SEPTIN14: variants seen among roughly 807,000 people sequenced by gnomAD.
The protein encoded by SEPTIN14 is septin 14, also known as septin-14.
A neutral mutation model predicts 53.6 loss-of-function variants in SEPTIN14; 40 were observed. That is an observed-to-expected ratio of 0.75 (90% CI 0.58 to 0.97). SEPTIN14 has a LOEUF of 0.97. SEPTIN14 is among the 50% of genes least tolerant of loss of function. The probability of loss-of-function intolerance (pLI) is 0.00; values close to 1 mark genes in which losing one functional copy is unlikely to be tolerated. For synonymous variants in SEPTIN14, 138 were observed against 166.8 expected (o/e 0.83, Z 1.33); for missense variants, 471 against 508.2 (o/e 0.93, Z 0.70).
rs1386153736 is a variant in SEPTIN14, at chr7:55,830,105, G to A, written c.720+4320C>T. On this transcript the variant is annotated intron_variant, in intron 6 of 9. Transcript: ENST00000388975. The stretch of plus-strand genomic sequence containing the variant: ...AGGCAGGAGAATGGCGTGAACCCGG[G>A]AGGCGGAGCTTGCAGTGAGCAGAGA... Among the ~76,000 whole-genome samples, 5 of 148,952 alleles carry A rather than the reference G, an allele frequency of 3.4e-5. No homozygotes were observed. In the East Asian group the frequency reaches 8.1e-4, roughly 24 times the overall value.
chr7:55,827,235 G>T (rs2116013464), intron 6 of SEPTIN14, among the ~76,000 whole-genome samples: 1 of 152,310 alleles, frequency 6.6e-6, no homozygotes, highest in African/African-American at 2.4e-5. Flanking sequence ...ACCCTCATGT[G>T]CTGAAAGGTG....
chr7:55,835,334 C>G (rs1270141010), intron 5 of SEPTIN14, among the ~76,000 whole-genome samples: 3 of 151,998 alleles, frequency 2.0e-5, no homozygotes, highest in East Asian at 3.9e-4. Flanking sequence ...TCCCGAGTAG[C>G]TGGGACTACA....
intron 6 of SEPTIN14, among the ~76,000 whole-genome samples, chr7:55,832,254 T>C (rs924356527): frequency 6.7e-6 from 1 of 150,202 alleles, no homozygotes; most frequent in Non-Finnish European, 1.5e-5. Flanking sequence ...CAAAATAAGA[T>C]ATAAACACAA....
At position 55,795,531 on chromosome 7, in the gene SEPTIN14, G is replaced by C. The variant is rs1788417022; in HGVS notation, c.*382C>G. Reference sequence around the variant, plus strand: ...CACCCAGGCTGGAGTACAATGGTGAGATCTTGGCTCACTGCAACCTCCACC... The same window carrying C: ...CACCCAGGCTGGAGTACAATGGTGACATCTTGGCTCACTGCAACCTCCACC... On this transcript the variant is annotated 3_prime_UTR_variant, in exon 10 of 10. Coordinates refer to ENST00000388975, the MANE Select transcript of SEPTIN14 (RefSeq NM_207366.3). 9.4e-6 allele frequency: 2 copies of C among 213,176 alleles called. No homozygotes were observed. The highest frequency in any genetic ancestry group is 4.9e-5 in the African/African-American group (2 of 40,832). The allele number at this position is 213,176 out of a possible 1,614,324, so 13.2% of individuals were successfully genotyped here.
intron 9 of SEPTIN14, among the ~76,000 whole-genome samples, chr7:55,803,126 C>T (rs1788550957): frequency 6.6e-6 from 1 of 152,040 alleles, no homozygotes; most frequent in Non-Finnish European, 1.5e-5. Context: ...TTAATAGAGA[C>T]AAGGTTTCAC....
intron 7 of SEPTIN14, among the ~76,000 whole-genome samples, chr7:55,810,440 T>C (rs1202881320): frequency 2.0e-5 from 3 of 151,630 alleles, no homozygotes; most frequent in Admixed American, 6.6e-5. Flanking sequence ...TATTAAATTG[T>C]TTCTTTTGGT....
intron 5 of SEPTIN14, among the ~76,000 whole-genome samples, chr7:55,838,764 G>A (rs1438373971): frequency 1.3e-5 from 2 of 151,788 alleles, no homozygotes; most frequent in Non-Finnish European, 2.9e-5. Flanking sequence ...GCCCAGGCTG[G>A]TCTTGAGCTC....
intron 7 of SEPTIN14, among the ~76,000 whole-genome samples, chr7:55,815,599 C>T (rs1788778217): frequency 6.6e-6 from 1 of 151,838 alleles, no homozygotes. Context: ...TGAAAAGGTG[C>T]TCAATATCAC....
intron 9 of SEPTIN14, among the ~76,000 whole-genome samples, chr7:55,796,532 T>C (rs567901377): frequency 2.0e-4 from 31 of 152,030 alleles, no homozygotes; most frequent in African/African-American, 7.0e-4. Context: ...CAAAGACTTT[T>C]TTTTAATATA....
chr7:55,853,867 A>C (rs1057258545), intron 2 of SEPTIN14, among the ~76,000 whole-genome samples: 7 of 152,166 alleles, frequency 4.6e-5, no homozygotes, highest in African/African-American at 1.2e-4. Context: ...GTAATCCCAG[A>C]ATTTTGGGAG....
intron 6 of SEPTIN14, among the ~76,000 whole-genome samples, chr7:55,822,502 C>G (rs962149846): frequency 6.6e-6 from 1 of 151,356 alleles, no homozygotes; most frequent in Non-Finnish European, 1.5e-5. Flanking sequence ...TCAGGATTCA[C>G]TGCAAAGCCA....
At chr7:55,810,231 T>C (rs1247905937) in intron 7 of SEPTIN14, among the ~76,000 whole-genome samples, 1 of 151,484 alleles carries the variant, frequency 6.6e-6, no homozygotes, top group Non-Finnish European at 1.5e-5. Flanking sequence ...ATTTTTTTCA[T>C]ATTTCTTTTG....
At chr7:55,859,922 G>A (rs1302773847) in intron 2 of SEPTIN14, among the ~76,000 whole-genome samples, 2 of 152,316 alleles carry the variant, frequency 1.3e-5, no homozygotes, top group African/African-American at 4.8e-5. Context: ...GCTCACGCCT[G>A]TAATCCCAGC....
In SEPTIN14 at chr7:55,856,647, C is replaced by T. The variant is rs147357746; in HGVS notation, c.54+5296G>A. 1.5e-3 allele frequency among the ~76,000 whole-genome samples: 224 copies of T among 152,178 alleles called. 1 individual carries two copies. The highest frequency in any genetic ancestry group is 5.2e-3 in the African/African-American group (218 of 41,542). ...ACCTCAGGTGATCCGCCTGTCTTGG[C>T]CTCCGAAAGTGCTGGGGTTACAGGC... On this transcript the variant is annotated intron_variant, in intron 2 of 9. Coordinates refer to ENST00000388975, the MANE Select transcript of SEPTIN14 (RefSeq NM_207366.3).
At chr7:55,839,113 C>A (rs1418204963) in intron 5 of SEPTIN14, among the ~76,000 whole-genome samples, 1 of 152,034 alleles carries the variant, frequency 6.6e-6, no homozygotes, top group Non-Finnish European at 1.5e-5. Flanking sequence ...TGAGGCCAGG[C>A]GTGGTGGCTC....
At chr7:55,830,321 G>GTATATATATA (rs746498199) in intron 6 of SEPTIN14, among the ~76,000 whole-genome samples, 22 of 84,668 alleles carry the variant, frequency 2.6e-4, no homozygotes, top group Middle Eastern at 0.01. Flanking sequence ...TTATCCAACT[G>GTATATATATA]TATATATATA....
At chr7:55,819,256 C>CT in intron 6 of SEPTIN14, 33 bp from the exon 7 acceptor site, 1 of 1,359,566 alleles carries the variant, frequency 7.4e-7, no homozygotes. Flanking sequence ...ATTGAATTCT[C>CT]TAGCACCATT....
chr7:55,829,256 G>A (rs1210210962), intron 6 of SEPTIN14, among the ~76,000 whole-genome samples: 5 of 151,708 alleles, frequency 3.3e-5, no homozygotes, highest in Non-Finnish European at 5.9e-5. Context: ...GCAGGTGCTT[G>A]TAATCTCAGC....
intron 5 of SEPTIN14, among the ~76,000 whole-genome samples, chr7:55,842,387 A>T (rs1054056363): frequency 6.6e-6 from 1 of 152,052 alleles, no homozygotes; most frequent in Admixed American, 6.6e-5. Context: ...TGGGTGGATC[A>T]CTTGAGCCAG....
Sources: gnomAD v4.1 joint callset for allele counts (sites outside exome capture counted in the v4.1 genomes callset) on GRCh38, gnomAD v4.1.1 for gene constraint, MANE v1.5 for transcripts, NCBI Gene and HGNC (gene_info 2026-07-23, HGNC 2026-07-21) for gene names.